The following WWC2 variants were observed in gnomAD, a reference collection of about 807,000 sequenced individuals.
WWC2 encodes protein WWC2.
A neutral mutation model predicts 138.5 loss-of-function variants in WWC2; 101 were observed. The observed-to-expected ratio is 0.73, with a 90% CI of 0.62 to 0.86. The LOEUF (loss-of-function observed/expected upper bound fraction) is 0.86. WWC2 is among the 40% of genes least tolerant of loss of function. The pLI is 0.00. For synonymous variants in WWC2, 558 were observed against 538.4 expected (o/e 1.04, Z -0.50); for missense variants, 1,420 against 1,419.4 (o/e 1.00, Z -0.01).
rs201643636 is a variant in WWC2 at position 183,301,087 on chromosome 4, ATT to A, written c.3385-11247_3385-11246del. On this transcript the variant is annotated intron_variant, in intron 21 of 22. Transcript: ENST00000403733. ...TCAACAGATGTCTGTTTTAAGAGTG[ATT>A]TTTTTTCTTATGGTATTTCATGAAG... 2.8e-4 allele frequency among the ~76,000 whole-genome samples: 42 copies of A among 152,064 alleles called. 1 individual carries two copies. The highest frequency in any genetic ancestry group is 1.5e-3 in the East Asian group (8 of 5,180).
intron 1 of WWC2, among the ~76,000 whole-genome samples, chr4:183,111,490 CT>C (rs1040004735): frequency 4.0e-5 from 6 of 151,170 alleles, no homozygotes; most frequent in African/African-American, 9.7e-5. Flanking sequence ...GAATTCCAGT[CT>C]TTTTTTTTCT....
chr4:183,172,394 C>T (rs537712023), intron 1 of WWC2, among the ~76,000 whole-genome samples: 24 of 152,256 alleles, frequency 1.6e-4, no homozygotes, highest in African/African-American at 5.5e-4. Context: ...GGCTTTGCAT[C>T]TCCACAGATG....
intron 1 of WWC2, among the ~76,000 whole-genome samples, chr4:183,170,288 G>A (rs903988906): frequency 3.3e-5 from 5 of 152,184 alleles, no homozygotes; most frequent in Non-Finnish European, 7.4e-5. Flanking sequence ...TGGGGGACCA[G>A]CTAACCAGTT....
At chr4:183,216,114 A>G (rs888217205) in intron 4 of WWC2, among the ~76,000 whole-genome samples, 2 of 152,206 alleles carry the variant, frequency 1.3e-5, no homozygotes, top group Non-Finnish European at 2.9e-5. Flanking sequence ...CAATAAATAC[A>G]TTGACCTAAC....
intron 21 of WWC2, among the ~76,000 whole-genome samples, chr4:183,303,429 A>G (rs982735335): frequency 6.6e-6 from 1 of 152,198 alleles, no homozygotes; most frequent in African/African-American, 2.4e-5. Flanking sequence ...GTTAATAACT[A>G]GGCAGCCTCT....
intron 21 of WWC2, among the ~76,000 whole-genome samples, chr4:183,304,112 T>A (rs1241193656): frequency 6.6e-6 from 1 of 151,996 alleles, no homozygotes; most frequent in Non-Finnish European, 1.5e-5. Context: ...AGTAAAAAAA[T>A]TGAACAAAAT....
intron 16 of WWC2, among the ~76,000 whole-genome samples, chr4:183,277,873 A>C (rs1737913891): frequency 6.6e-6 from 1 of 150,914 alleles, no homozygotes; most frequent in Admixed American, 6.6e-5. Flanking sequence ...GATTCTGGAT[A>C]TTAGCCCTTT....
Position 183,099,369 on chromosome 4 carries a change from C to A in WWC2, c.-123C>A. ...TGGTTCCGCCGCGCCCCGCGCCCTG[C>A]GCCCCTCAGCCCCTCGCCGGCGCCC... On this transcript the variant is annotated 5_prime_UTR_variant, in exon 1 of 23. Transcript: ENST00000403733. 9.7e-7 allele frequency: 1 copy of A among 1,028,458 alleles called. No individual in the cohort carries two copies. Among genetic ancestry groups the A allele is most frequent in the Non-Finnish European group, 1.2e-6 (1 of 826,088 alleles). The allele number at this position is 1,028,458 out of a possible 1,614,324, so 63.7% of individuals were successfully genotyped here.
chr4:183,240,354 T>C, intron 5 of WWC2, 92 bp downstream of exon 5: 1 of 1,018,736 alleles, frequency 9.8e-7, no homozygotes, highest in Non-Finnish European at 1.4e-6. Flanking sequence ...ATAAGCGATT[T>C]CTTAAAGAAA....
chr4:183,179,321 G>C (rs1284101762), intron 1 of WWC2, among the ~76,000 whole-genome samples: 1 of 151,822 alleles, frequency 6.6e-6, no homozygotes, highest in East Asian at 1.9e-4. Flanking sequence ...TTACAAGGAG[G>C]GTATATCCAT....
chr4:183,099,479 G>T lies in WWC2; in HGVS notation c.-13G>T, dbSNP rs1405547526. ...ACCTATGGAGGCGCCGCTCGCCGGCGAGGCCGCCGACCATGCCTAGGAGGG... is the reference window on the plus strand; with the variant it reads ...ACCTATGGAGGCGCCGCTCGCCGGCTAGGCCGCCGACCATGCCTAGGAGGG... On this transcript the variant is annotated 5_prime_UTR_variant, in exon 1 of 23. It introduces an in-frame stop codon into an upstream open reading frame of the 5' UTR. Transcript: ENST00000403733. 1.5e-6 allele frequency: 2 copies of T among 1,295,410 alleles called. No individual in the cohort carries two copies. The highest frequency in any genetic ancestry group is 2.0e-6 in the Non-Finnish European group (2 of 1,012,210). 80.2% of individuals were successfully genotyped at this position (1,295,410 alleles called of 1,614,324 possible). A position where few individuals can be genotyped will look rare whatever the true frequency, so the allele number is the denominator to read the frequency against.
intron 2 of WWC2, among the ~76,000 whole-genome samples, chr4:183,194,250 A>C (rs2111212365): frequency 6.6e-6 from 1 of 152,240 alleles, no homozygotes; most frequent in East Asian, 1.9e-4. Context: ...ACAGCTCTTA[A>C]ATCTGTCATA....
At chr4:183,166,908 A>G (rs1364475274) in intron 1 of WWC2, among the ~76,000 whole-genome samples, 4 of 152,204 alleles carry the variant, frequency 2.6e-5, no homozygotes, top group East Asian at 1.9e-4. Context: ...TTCTTGAACT[A>G]TCTCCTCACA....
intron 2 of WWC2, among the ~76,000 whole-genome samples, chr4:183,204,391 C>T (rs1440728272): frequency 6.6e-6 from 1 of 152,104 alleles, no homozygotes; most frequent in Admixed American, 6.6e-5. Context: ...TTTTTACAAT[C>T]GAGAGACATG....
chr4:183,149,578 C>T (rs940027081), intron 1 of WWC2, among the ~76,000 whole-genome samples: 8 of 150,204 alleles, frequency 5.3e-5, no homozygotes, highest in African/African-American at 1.2e-4. Flanking sequence ...GCCAAGATCG[C>T]GCCATTGCAC....
At chr4:183,174,702 G>C (rs1205343023) in intron 1 of WWC2, among the ~76,000 whole-genome samples, 1 of 151,914 alleles carries the variant, frequency 6.6e-6, no homozygotes, top group East Asian at 1.9e-4. Context: ...CAGTAGAATG[G>C]ACACCATTGT....
intron 4 of WWC2, among the ~76,000 whole-genome samples, chr4:183,235,438 G>A (rs1205867422): frequency 1.3e-5 from 2 of 152,134 alleles, no homozygotes; most frequent in Non-Finnish European, 2.9e-5. Flanking sequence ...ATGTTGCACA[G>A]CAGAGTTCTA....
intron 1 of WWC2, among the ~76,000 whole-genome samples, chr4:183,134,701 T>G (rs1355855836): frequency 6.6e-6 from 1 of 152,142 alleles, no homozygotes; most frequent in East Asian, 1.9e-4. Context: ...ATATGATAAT[T>G]TGTTAGTAGG....
At chr4:183,136,502 G>A (rs759831140) in intron 1 of WWC2, among the ~76,000 whole-genome samples, 2 of 152,100 alleles carry the variant, frequency 1.3e-5, no homozygotes, top group South Asian at 2.1e-4. Context: ...AACATAGTAC[G>A]CATGCTTATT....
Sources: gnomAD v4.1 joint callset for allele counts (sites outside exome capture counted in the v4.1 genomes callset) on GRCh38, gnomAD v4.1.1 for gene constraint, MANE v1.5 for transcripts, NCBI Gene and HGNC (gene_info 2026-07-23, HGNC 2026-07-21) for gene names.